TCF7L1: variants seen among roughly 807,000 people sequenced by gnomAD.
The protein encoded by TCF7L1 is transcription factor 7 like 1.
TCF7L1 carries 18 observed loss-of-function variants against 63.7 expected under a neutral mutation model. The ratio of observed to expected loss-of-function variants is 0.28; its 90% CI spans 0.20 to 0.42. The LOEUF is 0.42. Ranked by LOEUF, TCF7L1 falls within the 10% of genes least tolerant of loss-of-function variation. The pLI, the probability that TCF7L1 is intolerant of heterozygous loss-of-function variation, is 1.00. For synonymous variants in TCF7L1, 355 were observed against 340.9 expected (o/e 1.04, Z -0.46); for missense variants, 654 against 779.3 (o/e 0.84, Z 1.91).
chr2:85,279,819 C>T (rs2104364959), intron 3 of TCF7L1, among the ~76,000 whole-genome samples: 1 of 152,344 alleles, frequency 6.6e-6, no homozygotes, highest in Non-Finnish European at 1.5e-5. Context: ...GTGAGATGCT[C>T]ACTGTTCCCA....
At chr2:85,175,965 A>T (rs1224577012) in intron 3 of TCF7L1, among the ~76,000 whole-genome samples, 1 of 152,228 alleles carries the variant, frequency 6.6e-6, no homozygotes, top group East Asian at 1.9e-4. Context: ...AGGGTTAGGG[A>T]TTGGAAGTCT....
intron 3 of TCF7L1, among the ~76,000 whole-genome samples, chr2:85,282,383 G>A (rs1487731781): frequency 6.6e-6 from 1 of 152,262 alleles, no homozygotes; most frequent in Non-Finnish European, 1.5e-5. Context: ...GAGGCTGCTT[G>A]CGGGTCTGTT....
intron 3 of TCF7L1, among the ~76,000 whole-genome samples, chr2:85,138,787 A>G (rs1677654427): frequency 6.6e-6 from 1 of 152,198 alleles, no homozygotes; most frequent in African/African-American, 2.4e-5. Flanking sequence ...GAAGCAAAAC[A>G]TACACACACA....
At chr2:85,264,336 T>C (rs566725311) in intron 3 of TCF7L1, among the ~76,000 whole-genome samples, 2 of 152,320 alleles carry the variant, frequency 1.3e-5, no homozygotes, top group African/African-American at 2.4e-5. Flanking sequence ...ATTTGGCCAG[T>C]GGACTTACAA....
chr2:85,236,165 C>A (rs1479912419), intron 3 of TCF7L1, among the ~76,000 whole-genome samples: 1 of 130,502 alleles, frequency 7.7e-6, no homozygotes, highest in Non-Finnish European at 1.5e-5. Context: ...ACCACGCCAT[C>A]CCCCCCCCAA....
chr2:85,143,170 ATATTT>A (rs754015469), intron 3 of TCF7L1, among the ~76,000 whole-genome samples: 15 of 152,180 alleles, frequency 9.9e-5, no homozygotes, highest in Non-Finnish European at 2.1e-4. Flanking sequence ...ATTTTTGGAA[ATATTT>A]TCATTTCTAT....
At chr2:85,274,239 A>T (rs148971685) in intron 3 of TCF7L1, among the ~76,000 whole-genome samples, 110 of 152,258 alleles carry the variant, frequency 7.2e-4, no homozygotes, top group Middle Eastern at 3.4e-3. Flanking sequence ...CCGATGGGAG[A>T]GGCAGCTTGC....
At chr2:85,161,816 A>G (rs1048421556) in intron 3 of TCF7L1, among the ~76,000 whole-genome samples, 1 of 152,166 alleles carries the variant, frequency 6.6e-6, no homozygotes, top group Non-Finnish European at 1.5e-5. Flanking sequence ...AGCAGGAGCC[A>G]GGGCTGGAAG....
intron 3 of TCF7L1, among the ~76,000 whole-genome samples, chr2:85,241,223 T>C (rs1170677855): frequency 6.6e-6 from 1 of 152,116 alleles, no homozygotes; most frequent in Non-Finnish European, 1.5e-5. Flanking sequence ...CAGTTTTTGC[T>C]CTCTTTCTTT....
At position 85,241,431 on chromosome 2, in the gene TCF7L1, G is replaced by GTTTTTTTT. The variant is rs1273488175; in HGVS notation, c.442-42059_442-42058insTTTTTTTT. On this transcript the variant is annotated intron_variant, in intron 3 of 11. Coordinates refer to ENST00000282111, the MANE Select transcript of TCF7L1 (RefSeq NM_031283.3). ...TGATCCAGAGGACTGGATGCACTTTGTTTTTGTTTTTTTTTTTTTTTTTTT... is the reference window on the plus strand; with the variant it reads ...TGATCCAGAGGACTGGATGCACTTTGTTTTTTTTTTTTTGTTTTTTTTTTTTTTTTTTT... Among the ~76,000 whole-genome samples, 101 of 68,768 alleles carry GTTTTTTTT rather than the reference G, an allele frequency of 1.5e-3. 12 individuals carry two copies. Among genetic ancestry groups the GTTTTTTTT allele is most frequent in the African/African-American group, 4.8e-3 (93 of 19,236 alleles). The allele number at this position is 68,768 out of a possible 152,430, so 45.1% of individuals were successfully genotyped here.
At chr2:85,166,620 C>A (rs1006288092) in intron 3 of TCF7L1, among the ~76,000 whole-genome samples, 5 of 152,162 alleles carry the variant, frequency 3.3e-5, no homozygotes, top group African/African-American at 1.2e-4. Context: ...ACAGTCAGAT[C>A]GGACATCACT....
intron 3 of TCF7L1, among the ~76,000 whole-genome samples, chr2:85,205,358 A>G (rs958364133): frequency 2.0e-5 from 3 of 152,170 alleles, no homozygotes; most frequent in Non-Finnish European, 2.9e-5. Context: ...CTGTATATTA[A>G]AAGCCTTTGT....
At chr2:85,140,605 C>T (rs147109426) in intron 3 of TCF7L1, among the ~76,000 whole-genome samples, 2,431 of 72,768 alleles carry the variant, frequency 0.033, 54 homozygotes, top group African/African-American at 0.14. Context: ...TCGAGATCAG[C>T]CTGGCAAACA....
chr2:85,253,322 G>T (rs1016735379), intron 3 of TCF7L1, among the ~76,000 whole-genome samples: 2 of 150,624 alleles, frequency 1.3e-5, no homozygotes, highest in African/African-American at 2.4e-5. Context: ...TTACCTAAAC[G>T]CAACTGCTGT....
At chr2:85,231,513 T>A (rs1043136811) in intron 3 of TCF7L1, among the ~76,000 whole-genome samples, 2 of 152,192 alleles carry the variant, frequency 1.3e-5, no homozygotes, top group Non-Finnish European at 2.9e-5. Context: ...CTCACACTGA[T>A]GGTCTCATAC....
chr2:85,288,303 C>T (rs1487540709), intron 4 of TCF7L1, among the ~76,000 whole-genome samples: 3 of 152,008 alleles, frequency 2.0e-5, no homozygotes, highest in East Asian at 3.9e-4. Context: ...TTTTAAGCTC[C>T]CCAGGAGATT....
chr2:85,208,661 A>G (rs1483059511), intron 3 of TCF7L1, among the ~76,000 whole-genome samples: 1 of 152,174 alleles, frequency 6.6e-6, no homozygotes, highest in Non-Finnish European at 1.5e-5. Context: ...ATCTAAAGCT[A>G]AATACACCAG....
At chr2:85,142,438 G>A (rs1303402427) in intron 3 of TCF7L1, among the ~76,000 whole-genome samples, 7 of 5,630 alleles carry the variant, frequency 1.2e-3, no homozygotes, top group Middle Eastern at 0.036. Context: ...AAAAATGTGT[G>A]TGTGTGTGTG....
intron 3 of TCF7L1, among the ~76,000 whole-genome samples, chr2:85,156,817 CT>C (rs1027975034): frequency 2.0e-5 from 3 of 152,204 alleles, no homozygotes; most frequent in African/African-American, 7.2e-5. Flanking sequence ...TGAATAAGTT[CT>C]CAGCTTGGGG....
Sources: allele counts gnomAD v4.1 joint callset (sites outside exome capture counted in the v4.1 genomes callset), GRCh38; gene constraint gnomAD v4.1.1; transcripts MANE v1.5; gene names NCBI Gene and HGNC (gene_info 2026-07-23, HGNC 2026-07-21).